The following WDR7 variants were observed in gnomAD, a reference collection of about 807,000 sequenced individuals.
The protein encoded by WDR7 is WD repeat domain 7, also known as WD repeat-containing protein 7.
Under a neutral mutation model 169.4 loss-of-function variants are expected in WDR7, and 46 were observed. The observed-to-expected ratio is 0.27, with a 90% CI of 0.21 to 0.35. WDR7 has a LOEUF of 0.35. Ranked by LOEUF, WDR7 falls within the 10% of genes least tolerant of loss-of-function variation. The pLI is 1.00. For synonymous variants in WDR7, 612 were observed against 666.8 expected (o/e 0.92, Z 1.27); for missense variants, 1,534 against 1,859.3 (o/e 0.83, Z 3.22).
chr18:56,840,949 A>C (rs909931744), intron 20 of WDR7, among the ~76,000 whole-genome samples: 1 of 151,802 alleles, frequency 6.6e-6, no homozygotes, highest in Non-Finnish European at 1.5e-5. Context: ...CAGCACTTTG[A>C]GGGGCCAAGA....
chr18:56,950,950 T>C (rs944107193), intron 25 of WDR7, among the ~76,000 whole-genome samples: 2 of 152,200 alleles, frequency 1.3e-5, no homozygotes, highest in African/African-American at 4.8e-5. Flanking sequence ...GAAGTGCCAT[T>C]CTCAAATTCT....
chr18:56,776,947 T>C, intron 17 of WDR7, 67 bp downstream of exon 17: 1 of 1,396,576 alleles, frequency 7.2e-7, no homozygotes, highest in Admixed American at 1.7e-5. Flanking sequence ...ATGTTCTTTT[T>C]ATCTGAGTTA....
At chr18:57,032,208 C>T (rs1005307227), downstream of WDR7, 3 of 152,188 alleles carry the variant, frequency 2.0e-5, no homozygotes, top group African/African-American at 7.2e-5. Context: ...AGATTTAGGA[C>T]TCACATTAGC....
At chr18:56,830,241 T>C (rs1236688673) in intron 20 of WDR7, among the ~76,000 whole-genome samples, 2 of 152,212 alleles carry the variant, frequency 1.3e-5, no homozygotes, top group African/African-American at 4.8e-5. Context: ...GTAAAATGTA[T>C]ACGATTCATC....
At chr18:56,684,486 C>G (rs1013333831) in intron 5 of WDR7, among the ~76,000 whole-genome samples, 1 of 152,202 alleles carries the variant, frequency 6.6e-6, no homozygotes, top group Non-Finnish European at 1.5e-5. Flanking sequence ...ACTTTATTTA[C>G]AAAAACAGCC....
chr18:56,841,920 T>A lies in WDR7; in HGVS notation c.3304+25776T>A, dbSNP rs542115471. On this transcript the variant is annotated intron_variant, in intron 20 of 27. Transcript: ENST00000254442. Reference sequence around the variant, plus strand: ...TTTCCTACTTTTTTAATAAAAATGTTTTATGTTACAGATTCAGTAATCAGA... The same window carrying A: ...TTTCCTACTTTTTTAATAAAAATGTATTATGTTACAGATTCAGTAATCAGA... Among the ~76,000 whole-genome samples, 42 of 152,314 alleles carry A rather than the reference T, an allele frequency of 2.8e-4. 1 individual carries two copies. Among genetic ancestry groups the A allele is most frequent in the Admixed American group, 1.4e-3 (21 of 15,304 alleles).
chr18:56,749,914 T>C (rs1253310075), intron 14 of WDR7, among the ~76,000 whole-genome samples: 1 of 150,398 alleles, frequency 6.6e-6, no homozygotes, highest in Non-Finnish European at 1.5e-5. Flanking sequence ...ATAAACATTA[T>C]AAATATATAA....
At chr18:56,678,853 G>A (rs1050485818) in intron 2 of WDR7, among the ~76,000 whole-genome samples, 2 of 152,112 alleles carry the variant, frequency 1.3e-5, no homozygotes, top group African/African-American at 2.4e-5. Context: ...GACAAGATTC[G>A]GGACAATTCT....
intron 20 of WDR7, among the ~76,000 whole-genome samples, chr18:56,817,343 CAA>C (rs79929553): frequency 3.3e-4 from 23 of 70,578 alleles, no homozygotes; most frequent in Admixed American, 5.1e-4. Flanking sequence ...GACTCTGTCT[CAA>C]AAAAAAAAAA....
At chr18:56,687,058 T>A in intron 7 of WDR7, 84 bp downstream of exon 7, 2 of 1,297,684 alleles carry the variant, frequency 1.5e-6, no homozygotes, top group Non-Finnish European at 2.1e-6. Flanking sequence ...CCTAAAGAAG[T>A]ACTTGGTGCA....
intron 20 of WDR7, among the ~76,000 whole-genome samples, chr18:56,827,044 G>A (rs2045217592): frequency 6.6e-6 from 1 of 152,206 alleles, no homozygotes; most frequent in African/African-American, 2.4e-5. Flanking sequence ...AAGGGTAGGA[G>A]TTATGTAAGA....
intron 20 of WDR7, among the ~76,000 whole-genome samples, chr18:56,825,764 A>C (rs1386190401): frequency 6.6e-6 from 1 of 152,212 alleles, no homozygotes; most frequent in East Asian, 1.9e-4. Context: ...GTGTAGTACA[A>C]GGAAGTGTTT....
chr18:56,738,409 T>C (rs2026747880), intron 14 of WDR7, among the ~76,000 whole-genome samples: 1 of 152,038 alleles, frequency 6.6e-6, no homozygotes, highest in Non-Finnish European at 1.5e-5. Flanking sequence ...TCTACAAAAA[T>C]TAGCCAGGCT....
At chr18:56,729,414 C>T (rs184538165) in intron 13 of WDR7, among the ~76,000 whole-genome samples, 3 of 152,146 alleles carry the variant, frequency 2.0e-5, no homozygotes, top group African/African-American at 7.2e-5. Flanking sequence ...ATCCTGTTAA[C>T]CAAGTAGTGT....
intron 20 of WDR7, among the ~76,000 whole-genome samples, chr18:56,874,799 C>T (rs370733285): frequency 5.3e-5 from 8 of 151,904 alleles, no homozygotes; most frequent in East Asian, 1.9e-4. Context: ...GTGTGATGTG[C>T]GGAAGCTAAG....
At chr18:56,834,261 T>G (rs897662533) in intron 20 of WDR7, among the ~76,000 whole-genome samples, 1 of 152,144 alleles carries the variant, frequency 6.6e-6, no homozygotes, top group African/African-American at 2.4e-5. Context: ...TACAAAGTAA[T>G]CTTATTATGG....
At chr18:56,837,236 T>C (rs569873009) in intron 20 of WDR7, among the ~76,000 whole-genome samples, 1 of 152,350 alleles carries the variant, frequency 6.6e-6, no homozygotes, top group African/African-American at 2.4e-5. Context: ...CTTTTTATGG[T>C]TATGACTTGT....
intron 13 of WDR7, among the ~76,000 whole-genome samples, chr18:56,720,622 A>G (rs1456040225): frequency 1.3e-5 from 2 of 152,220 alleles, no homozygotes; most frequent in Non-Finnish European, 2.9e-5. Flanking sequence ...TTCAGATACT[A>G]TAAATATATT....
Position 56,937,214 on chromosome 18 carries a change from C to A in WDR7, c.3831+1309C>A, listed in dbSNP as rs577693396. On this transcript the variant is annotated intron_variant, in intron 23 of 27. Transcript: ENST00000254442. ...GGAAAGATAATTTTAAAGTAACAGT[C>A]CACATTTATTACCTTTAAAAAGAAG... 6.4e-4 allele frequency among the ~76,000 whole-genome samples: 98 copies of A among 152,224 alleles called. No homozygotes were observed. In the South Asian group the frequency reaches 0.02, roughly 31 times the overall value.
Sources: allele counts gnomAD v4.1 joint callset (sites outside exome capture counted in the v4.1 genomes callset), GRCh38; gene constraint gnomAD v4.1.1; transcripts MANE v1.5; gene names NCBI Gene and HGNC (gene_info 2026-07-23, HGNC 2026-07-21).